Variants in NTM observed in about 807,000 individuals in gnomAD.
NTM encodes the protein IgLON family member 2.
Under a neutral mutation model 42.1 loss-of-function variants are expected in NTM, and 13 were observed. The observed-to-expected ratio is 0.31, with a 90% CI of 0.20 to 0.49. The LOEUF (loss-of-function observed/expected upper bound fraction) is 0.49, where lower values mean the gene tolerates loss of function less well. Ranked by LOEUF, NTM falls within the 20% of genes least tolerant of loss-of-function variation. The pLI, the probability that NTM is intolerant of heterozygous loss-of-function variation, is 0.99. For missense variants in NTM, 373 were observed against 452.8 expected, an observed-to-expected ratio of 0.82 and a Z score of 1.60; for synonymous variants, 187 against 179.2, an observed-to-expected ratio of 1.04 and a Z score of -0.35.
At chr11:131,894,569 A>G (rs891622218) in intron 1 of NTM, among the ~76,000 whole-genome samples, 12 of 152,142 alleles carry the variant, frequency 7.9e-5, no homozygotes, top group African/African-American at 2.9e-4. Flanking sequence ...ATGTGCCGTG[A>G]CACTGCCTAA....
chr11:131,731,928 A>G (rs2079745108), intron 1 of NTM, among the ~76,000 whole-genome samples: 1 of 152,100 alleles, frequency 6.6e-6, no homozygotes, highest in African/African-American at 2.4e-5. Flanking sequence ...CTATCTGTAC[A>G]CGCTATTGTG....
At chr11:131,767,671 A>G (rs1409343498) in intron 1 of NTM, among the ~76,000 whole-genome samples, 2 of 152,242 alleles carry the variant, frequency 1.3e-5, no homozygotes, top group African/African-American at 2.4e-5. Context: ...ATCCACCGGC[A>G]CTGTGACCTC....
chr11:131,383,221 A>T (rs1397662549), intron 1 of NTM, among the ~76,000 whole-genome samples: 2 of 152,230 alleles, frequency 1.3e-5, no homozygotes, highest in Non-Finnish European at 2.9e-5. Context: ...AAGCATGGCC[A>T]GGTGCTTACT....
Position 131,600,669 on chromosome 11 carries a change from G to A in NTM, c.82+229781G>A, listed in dbSNP as rs113821982. Among the ~76,000 whole-genome samples, 257 of 152,232 alleles carry A rather than the reference G, an allele frequency of 1.7e-3. 2 individuals carry two copies. Among genetic ancestry groups the A allele is most frequent in the African/African-American group, 5.9e-3 (245 of 41,546 alleles). ...TAAATATCCTGCCTACGTTTAGCAG[G>A]TCCACTGCCAAGAAAGGAACCTGAC... On this transcript the variant is annotated intron_variant, in intron 1 of 8. Coordinates refer to ENST00000683400, the MANE Select transcript of NTM (RefSeq NM_001352005.2).
chr11:131,582,667 G>A (rs1333273440), intron 1 of NTM, among the ~76,000 whole-genome samples: 1 of 151,862 alleles, frequency 6.6e-6, no homozygotes, highest in Non-Finnish European at 1.5e-5. Flanking sequence ...AAACACTCAG[G>A]ACAATTTGTG....
chr11:132,208,946 G>A (rs1162410291), intron 3 of NTM, among the ~76,000 whole-genome samples: 1 of 152,140 alleles, frequency 6.6e-6, no homozygotes, highest in Non-Finnish European at 1.5e-5. Flanking sequence ...CATTCTGCAG[G>A]CAGCCTGTCC....
chr11:131,613,453 G>C (rs1286797746), intron 1 of NTM, among the ~76,000 whole-genome samples: 1 of 152,148 alleles, frequency 6.6e-6, no homozygotes, highest in Non-Finnish European at 1.5e-5. Context: ...TCCTCAGGTG[G>C]CTCCTGGGGA....
intron 3 of NTM, among the ~76,000 whole-genome samples, chr11:132,198,440 A>G (rs1008499407): frequency 1.3e-5 from 2 of 152,186 alleles, no homozygotes; most frequent in African/African-American, 2.4e-5. Context: ...AGCTCAAGCC[A>G]TCCTCCCACC....
chr11:131,500,568 T>TATAC (rs2046637304), intron 1 of NTM, among the ~76,000 whole-genome samples: 2 of 27,356 alleles, frequency 7.3e-5, no homozygotes, highest in African/African-American at 5.7e-4. Flanking sequence ...TATATATATA[T>TATAC]ATATATATAT....
intron 1 of NTM, among the ~76,000 whole-genome samples, chr11:131,738,279 C>T (rs550633169): frequency 6.6e-6 from 1 of 152,198 alleles, no homozygotes; most frequent in Admixed American, 6.5e-5. Flanking sequence ...GGCGGTGGCT[C>T]TGGGGTACCC....
intron 2 of NTM, among the ~76,000 whole-genome samples, chr11:131,928,800 A>G (rs1022156870): frequency 6.6e-6 from 1 of 152,044 alleles, no homozygotes; most frequent in Non-Finnish European, 1.5e-5. Flanking sequence ...CTCTGAACTC[A>G]CCATTCCCCA....
chr11:131,661,305 A>G (rs1209957582), intron 1 of NTM: 1 of 245,798 alleles, frequency 4.1e-6, no homozygotes, highest in East Asian at 8.6e-5. Flanking sequence ...TGTGTCAGCT[A>G]CATTGCTGTG....
chr11:131,390,869 T>G (rs1378668168), intron 1 of NTM, among the ~76,000 whole-genome samples: 2 of 152,082 alleles, frequency 1.3e-5, no homozygotes, highest in Admixed American at 6.5e-5. Context: ...ATGATTTTGT[T>G]GCATACTTCA....
chr11:132,231,305 G>T (rs61906029), intron 4 of NTM, among the ~76,000 whole-genome samples: 20,651 of 152,140 alleles, frequency 0.14, 1,753 homozygotes, highest in East Asian at 0.22. Flanking sequence ...TTTTCTTTTG[G>T]CAGTGTTTCC....
At chr11:132,135,460 T>C (rs2067707979) in intron 2 of NTM, among the ~76,000 whole-genome samples, 1 of 152,250 alleles carries the variant, frequency 6.6e-6, no homozygotes. Flanking sequence ...TGTGTGGTCA[T>C]GACTTATTAG....
At chr11:132,073,779 T>C (rs1481023791) in intron 2 of NTM, among the ~76,000 whole-genome samples, 1 of 152,148 alleles carries the variant, frequency 6.6e-6, no homozygotes, top group Non-Finnish European at 1.5e-5. Context: ...CTTCTAGAAA[T>C]AGCTTTTTTT....
At chr11:131,464,986 A>G (rs2136135994) in intron 1 of NTM, among the ~76,000 whole-genome samples, 1 of 152,374 alleles carries the variant, frequency 6.6e-6, no homozygotes, top group East Asian at 1.9e-4. Context: ...GAAAAATCAC[A>G]CATGTAAACA....
At chr11:131,390,277 C>G (rs565221511) in intron 1 of NTM, among the ~76,000 whole-genome samples, 1 of 152,100 alleles carries the variant, frequency 6.6e-6, no homozygotes, top group Non-Finnish European at 1.5e-5. Flanking sequence ...GAATCCATTA[C>G]TTTGAGGAGG....
rs547993720 is a variant in NTM, at chr11:131,449,921, G to A, written c.82+79033G>A. On this transcript the variant is annotated intron_variant, in intron 1 of 8. Coordinates refer to ENST00000683400, the MANE Select transcript of NTM (RefSeq NM_001352005.2). ...TTCTACCTACTCACTCCACTTGTTC[G>A]TTCCAGGCAATGTCCCCATGTTTAC... Among the ~76,000 whole-genome samples the A allele has an allele frequency of 5.9e-5, 9 of 152,268 alleles. 1 individual carries two copies. Among genetic ancestry groups the A allele is most frequent in the Middle Eastern group, 6.8e-3 (2 of 294 alleles).
Sources: gnomAD v4.1 joint callset for allele counts (sites outside exome capture counted in the v4.1 genomes callset) on GRCh38, gnomAD v4.1.1 for gene constraint, MANE v1.5 for transcripts, NCBI Gene and HGNC (gene_info 2026-07-23, HGNC 2026-07-21) for gene names.